C9orf85: variants seen among roughly 807,000 people sequenced by gnomAD.
C9orf85 encodes uncharacterized protein C9orf85.
A neutral mutation model predicts 14.9 loss-of-function variants in C9orf85; 16 were observed. The observed-to-expected ratio is 1.08, with a 90% confidence interval of 0.73 to 1.63. The LOEUF is 1.63. Ranked by LOEUF, C9orf85 falls within the 40% of genes most tolerant of loss-of-function variation. C9orf85 has a pLI of 0.00. For synonymous variants in C9orf85, 45 were observed against 56.8 expected, an observed-to-expected ratio of 0.79 and a Z score of 0.93; for missense variants, 172 against 186.1, an observed-to-expected ratio of 0.92 and a Z score of 0.44.
intron 1 of C9orf85, among the ~76,000 whole-genome samples, chr9:71,938,238 A>G (rs1483751231): frequency 6.6e-6 from 1 of 152,088 alleles, no homozygotes; most frequent in African/African-American, 2.4e-5. Flanking sequence ...TGATTATAGC[A>G]AGAATTTTAA....
rs112051698 is a variant in C9orf85 at position 71,947,746 on chromosome 9, C to T, written c.209+634C>T. Among the ~76,000 whole-genome samples, 5 of 152,066 alleles carry T rather than the reference C, an allele frequency of 3.3e-5. No homozygotes were observed. The South Asian group carries it at 6.2e-4, about 19-fold the overall frequency. On this transcript the variant is annotated intron_variant, in intron 2 of 3. Coordinates refer to ENST00000334731, the MANE Select transcript of C9orf85 (RefSeq NM_182505.5). ...GCAACCTCTGCCTCCCAGGTTTAAG[C>T]GATTCTCCTGCCTCGGCCTCCCAAG...
Position 71,945,908 on chromosome 9 carries a change from C to CA in C9orf85, c.103-1097dup, listed in dbSNP as rs199535285. On this transcript the variant is annotated intron_variant, in intron 1 of 3. Transcript: ENST00000334731. ...CAGCCAAAGCAAACTAGAGAATTCT[C>CA]AGAGTACTCAGTGAAAATATATAGT... is the stretch of plus-strand genomic sequence containing the variant. Among the ~76,000 whole-genome samples, 1,003 of 152,248 alleles carry CA rather than the reference C, an allele frequency of 6.6e-3. 13 individuals carry two copies. Among genetic ancestry groups the CA allele is most frequent in the African/African-American group, 0.023 (940 of 41,538 alleles).
At chr9:71,983,809 G>A (rs1823153075), downstream of C9orf85, 1 of 152,176 alleles carries the variant, frequency 6.6e-6, no homozygotes, top group Admixed American at 6.5e-5. Context: ...TGACAGGGGA[G>A]GTAAGGGAAG....
chr9:71,936,555 A>T (rs1828197062), intron 1 of C9orf85, among the ~76,000 whole-genome samples: 1 of 152,156 alleles, frequency 6.6e-6, no homozygotes, highest in African/African-American at 2.4e-5. Flanking sequence ...TACTGCTGCA[A>T]CAATATAGCT....
At chr9:71,972,483 C>A (rs1343210705) in intron 3 of C9orf85, among the ~76,000 whole-genome samples, 1 of 152,092 alleles carries the variant, frequency 6.6e-6, no homozygotes, top group African/African-American at 2.4e-5. Context: ...GGTTTCGAAC[C>A]CCTGGCCTCA....
chr9:71,939,949 TAAATGTA>T (rs1421395111), intron 1 of C9orf85, among the ~76,000 whole-genome samples: 2 of 152,160 alleles, frequency 1.3e-5, no homozygotes, highest in African/African-American at 2.4e-5. Flanking sequence ...GATTATAGAC[TAAATGTA>T]AAATGTAAAA....
intron 1 of C9orf85, 56 bp downstream of exon 1, chr9:71,911,892 G>C: frequency 6.7e-7 from 1 of 1,494,884 alleles, no homozygotes; most frequent in East Asian, 2.3e-5. Flanking sequence ...GCTCACTGGA[G>C]AGGGGAGAGA....
chr9:71,966,634 G>T (rs985776305), intron 2 of C9orf85, among the ~76,000 whole-genome samples: 5 of 152,038 alleles, frequency 3.3e-5, no homozygotes, highest in East Asian at 3.8e-4. Flanking sequence ...TAAAAAAAAC[G>T]CAAAGGCAAG....
At chr9:71,941,592 A>C (rs1468847624) in intron 1 of C9orf85, among the ~76,000 whole-genome samples, 1 of 152,230 alleles carries the variant, frequency 6.6e-6, no homozygotes, top group Non-Finnish European at 1.5e-5. Context: ...CTCTAAAATG[A>C]CTTGCTTGTT....
At chr9:71,911,920 G>A in intron 1 of C9orf85, 84 bp downstream of exon 1, 1 of 1,256,038 alleles carries the variant, frequency 8.0e-7, no homozygotes, top group Non-Finnish European at 1.2e-6. Flanking sequence ...AGAGGAGTCG[G>A]CTGGGGCGAG....
intron 1 of C9orf85, among the ~76,000 whole-genome samples, chr9:71,928,807 T>G (rs1827994628): frequency 6.6e-6 from 1 of 152,226 alleles, no homozygotes; most frequent in African/African-American, 2.4e-5. Context: ...AGGTAGTATT[T>G]TATTACAGGT....
Position 71,911,785 on chromosome 9 carries a change from G to C in C9orf85, c.51G>C (p.Gln17His). The change falls in exon 1 of 4, where the codon CAG becomes CAC. Residue 17 changes from glutamine (Q) to histidine (H), a missense_variant. Transcript: ENST00000334731. ...CTCGTTCCAGACCTCAGAAGCACCA[G>C]AATACGTTTAGCTTCAAAAATGACA... ...NVARSRPQKH[Q>H]NTFSFKNDKF... 1 of 1,614,138 alleles carries C rather than the reference G, an allele frequency of 6.2e-7. No homozygotes were observed. The highest frequency in any genetic ancestry group is 8.5e-7 in the Non-Finnish European group (1 of 1,179,994).
At chr9:71,944,682 C>T (rs1822036112) in intron 1 of C9orf85, among the ~76,000 whole-genome samples, 2 of 152,102 alleles carry the variant, frequency 1.3e-5, no homozygotes, top group African/African-American at 4.8e-5. Flanking sequence ...ACTTTCTTTG[C>T]TCACATCTCT....
intron 1 of C9orf85, among the ~76,000 whole-genome samples, chr9:71,930,022 G>A (rs1464605757): frequency 1.3e-5 from 2 of 150,964 alleles, no homozygotes; most frequent in Non-Finnish European, 2.9e-5. Flanking sequence ...AAATAGCAGG[G>A]AGAATTTTTA....
At chr9:71,924,893 A>G (rs568736695) in intron 1 of C9orf85, among the ~76,000 whole-genome samples, 2 of 152,350 alleles carry the variant, frequency 1.3e-5, no homozygotes, top group African/African-American at 2.4e-5. Flanking sequence ...CAGTAAAACT[A>G]GAATAGTCAT....
intron 2 of C9orf85, among the ~76,000 whole-genome samples, chr9:71,949,014 T>G (rs941091304): frequency 6.6e-6 from 1 of 152,256 alleles, no homozygotes; most frequent in Non-Finnish European, 1.5e-5. Context: ...TTGTGTTCTC[T>G]GCTAGAGTAA....
At chr9:71,974,249 C>CT (rs35308335), downstream of C9orf85, among the ~76,000 whole-genome samples, 131,374 of 139,756 alleles carry the variant, frequency 0.94, 62,157 homozygotes, top group Non-Finnish European at 0.99. Context: ...TTTTATTTTA[C>CT]TTTTTTTTTT....
intron 2 of C9orf85, among the ~76,000 whole-genome samples, chr9:71,949,836 T>G (rs964149823): frequency 1.3e-5 from 2 of 152,186 alleles, no homozygotes; most frequent in African/African-American, 4.8e-5. Context: ...TTACTGTTCC[T>G]CTGTTTTTAG....
chr9:71,933,359 G>A (rs1170656252), intron 1 of C9orf85, among the ~76,000 whole-genome samples: 3 of 152,172 alleles, frequency 2.0e-5, no homozygotes, highest in Admixed American at 6.5e-5. Context: ...TTTGAAGGCA[G>A]CAAGAGAGAA....
Sources: gnomAD v4.1 joint callset for allele counts (sites outside exome capture counted in the v4.1 genomes callset) on GRCh38, gnomAD v4.1.1 for gene constraint, MANE v1.5 for transcripts, NCBI Gene and HGNC (gene_info 2026-07-23, HGNC 2026-07-21) for gene names.